MEGF9: variants seen among roughly 807,000 people sequenced by gnomAD.
MEGF9 encodes the protein multiple EGF like domains 9, also known as multiple epidermal growth factor-like domains protein 9.
A neutral mutation model predicts 46.8 loss-of-function variants in MEGF9; 6 were observed. The ratio of observed to expected loss-of-function variants is 0.13; its 90% CI spans 0.07 to 0.25. The LOEUF (loss-of-function observed/expected upper bound fraction) is 0.25. MEGF9 is among the 10% of genes least tolerant of loss of function. The probability of loss-of-function intolerance (pLI) is 1.00; values close to 1 mark genes in which losing one functional copy is unlikely to be tolerated. For missense variants in MEGF9, 683 were observed against 792.4 expected, an observed-to-expected ratio of 0.86 and a Z score of 1.66; for synonymous variants, 302 against 330.7, an observed-to-expected ratio of 0.91 and a Z score of 0.94.
At chr9:120,706,202 T>C (rs2043928327) in intron 1 of MEGF9, among the ~76,000 whole-genome samples, 1 of 152,172 alleles carries the variant, frequency 6.6e-6, no homozygotes, top group Non-Finnish European at 1.5e-5. Context: ...TTATGCACAC[T>C]TAAATTTTAG....
chr9:120,669,892 T>C (rs758840289), intron 1 of MEGF9, among the ~76,000 whole-genome samples: 10 of 152,154 alleles, frequency 6.6e-5, no homozygotes, highest in Admixed American at 1.3e-4. Flanking sequence ...AAATAAGGGA[T>C]TGGGGAAGAT....
At chr9:120,687,258 T>C (rs1014708300) in intron 1 of MEGF9, among the ~76,000 whole-genome samples, 2 of 152,196 alleles carry the variant, frequency 1.3e-5, no homozygotes, top group Non-Finnish European at 2.9e-5. Context: ...ATATGGTCTA[T>C]GGATCTGCAT....
intron 3 of MEGF9, among the ~76,000 whole-genome samples, chr9:120,622,363 A>AG (rs1261065202): frequency 6.7e-6 from 1 of 149,828 alleles, no homozygotes; most frequent in East Asian, 2.0e-4. Flanking sequence ...GAAGAGTTCC[A>AG]ACCTTTCTGG....
At chr9:120,621,576 C>G (rs919562256) in intron 3 of MEGF9, among the ~76,000 whole-genome samples, 1 of 152,006 alleles carries the variant, frequency 6.6e-6, no homozygotes, top group Non-Finnish European at 1.5e-5. Context: ...CTGATTTTCC[C>G]TTTATTGTAT....
intron 3 of MEGF9, among the ~76,000 whole-genome samples, chr9:120,621,509 T>C (rs2043499214): frequency 6.6e-6 from 1 of 152,240 alleles, no homozygotes; most frequent in Non-Finnish European, 1.5e-5. Context: ...TTTGTTCATT[T>C]GATATTTTAG....
chr9:120,681,519 G>A (rs1327857179), intron 1 of MEGF9, among the ~76,000 whole-genome samples: 1 of 151,640 alleles, frequency 6.6e-6, no homozygotes, highest in Non-Finnish European at 1.5e-5. Flanking sequence ...CACAAGACAA[G>A]TTTACTTATA....
intron 1 of MEGF9, among the ~76,000 whole-genome samples, chr9:120,711,873 C>CACACACA (rs2043955555): frequency 2.9e-4 from 23 of 78,426 alleles, no homozygotes; most frequent in East Asian, 9.5e-4. Context: ...ACACACACAC[C>CACACACA]CACAGGCCTG....
chr9:120,714,419 TCCGCAACCGCCGCCGCCA>T lies in MEGF9; in HGVS notation c.-79_-62del. The T allele has an allele frequency of 8.2e-7, 1 of 1,217,950 alleles. No individual in the cohort carries two copies. Among genetic ancestry groups the T allele is most frequent in the African/African-American group, 1.6e-5 (1 of 62,836 alleles). 75.4% of individuals were successfully genotyped at this position (1,217,950 alleles called of 1,614,324 possible). A position where few individuals can be genotyped will look rare whatever the true frequency, so the allele number is the denominator to read the frequency against. ...TCGTTGCAATCCGACCAAGGAAGCC[TCCGCAACCGCCGCCGCCA>T]CCGCCACCGGGCGCACCATCGCCAC... On this transcript the variant is annotated 5_prime_UTR_variant, in exon 1 of 6. Coordinates refer to ENST00000373930, the MANE Select transcript of MEGF9 (RefSeq NM_001080497.3).
intron 1 of MEGF9, 131 bp from the exon 2 acceptor site, chr9:120,659,706 T>G (rs1268002040): frequency 2.6e-6 from 2 of 764,480 alleles, no homozygotes; most frequent in Non-Finnish European, 4.1e-6. Flanking sequence ...TTAACTCTAG[T>G]TCAAATTTAC....
At chr9:120,630,836 T>C (rs1484616454) in intron 2 of MEGF9, among the ~76,000 whole-genome samples, 2 of 152,216 alleles carry the variant, frequency 1.3e-5, no homozygotes, top group African/African-American at 2.4e-5. Context: ...TTTTTAAAAT[T>C]ATTTGTTTAC....
At position 120,605,509 on chromosome 9, in the gene MEGF9, G is replaced by A. The variant is rs750963810; in HGVS notation, c.1490C>T (p.Thr497Ile). The A allele has an allele frequency of 1.2e-6, 2 of 1,613,974 alleles. No homozygotes were observed. The highest frequency in any genetic ancestry group is 2.2e-5 in the South Asian group (2 of 91,080). The change falls in exon 6 of 6, where the codon ACT becomes ATT. Residue 497 changes from threonine to isoleucine, a missense_variant. Around this residue, in one of 2 missense-constraint regions of MEGF9, gnomAD observed 313 missense variants for 421.1 expected, o/e 0.74. Transcript: ENST00000373930. The surrounding 1 kb of genome is among the most constrained non-coding windows in gnomAD (Gnocchi z 4.0). ...TTLQTIFSVS[T>I]SENSTSALAD... is the part of the protein sequence containing the mutation. ...TAAAGCTGAAGTGCTGTTTTCAGAA[G>A]TGCTTACTGAAAAGATAGTCTGCAG...
chr9:120,628,086 T>C (rs1274512186), intron 2 of MEGF9, among the ~76,000 whole-genome samples: 1 of 152,166 alleles, frequency 6.6e-6, no homozygotes, highest in Non-Finnish European at 1.5e-5. Flanking sequence ...AATCGAACTT[T>C]AAAAGGTAGC....
chr9:120,629,263 A>T (rs935308018), intron 2 of MEGF9, among the ~76,000 whole-genome samples: 5 of 152,108 alleles, frequency 3.3e-5, no homozygotes, highest in Non-Finnish European at 7.4e-5. Context: ...TACAGGTGTG[A>T]GTCACTGTGC....
intron 2 of MEGF9, among the ~76,000 whole-genome samples, chr9:120,653,573 T>G (rs2043663336): frequency 6.6e-6 from 1 of 152,092 alleles, no homozygotes; most frequent in Non-Finnish European, 1.5e-5. Context: ...GGTTTCACCA[T>G]GTTGGCTAGG....
chr9:120,672,261 A>G (rs1044165215), intron 1 of MEGF9, among the ~76,000 whole-genome samples: 1 of 152,108 alleles, frequency 6.6e-6, no homozygotes, highest in Admixed American at 6.5e-5. Flanking sequence ...GGAATAAGGC[A>G]AGGAAAAGAA....
At chr9:120,658,441 A>G (rs1003683239) in intron 2 of MEGF9, among the ~76,000 whole-genome samples, 5 of 152,234 alleles carry the variant, frequency 3.3e-5, no homozygotes, top group African/African-American at 9.6e-5. Flanking sequence ...ATTTCAGTCC[A>G]TAATATTCCT....
chr9:120,682,985 T>G (rs1405838398), intron 1 of MEGF9, among the ~76,000 whole-genome samples: 1 of 152,180 alleles, frequency 6.6e-6, no homozygotes, highest in Non-Finnish European at 1.5e-5. Flanking sequence ...ATGGGGCATA[T>G]GGAGAAGAGT....
chr9:120,656,816 C>T (rs2043679483), intron 2 of MEGF9, among the ~76,000 whole-genome samples: 1 of 152,158 alleles, frequency 6.6e-6, no homozygotes, highest in African/African-American at 2.4e-5. Context: ...GGCATGGTGG[C>T]TCATGCCTAT....
At chr9:120,620,262 T>C (rs950720981) in intron 3 of MEGF9, among the ~76,000 whole-genome samples, 1 of 152,194 alleles carries the variant, frequency 6.6e-6, no homozygotes, top group Admixed American at 6.5e-5. Context: ...CTGTAAAAGA[T>C]CTAGGGAGTA....
Sources: gnomAD v4.1 joint callset for allele counts (sites outside exome capture counted in the v4.1 genomes callset) on GRCh38, gnomAD v4.1.1 for gene constraint, gnomAD v4.1.1 regional missense constraint, Gnocchi (gnomAD v3.1) non-coding constraint, MANE v1.5 for transcripts, NCBI Gene and HGNC (gene_info 2026-07-23, HGNC 2026-07-21) for gene names.